ATP7B: variants seen among roughly 807,000 people sequenced by gnomAD.
ATP7B encodes the protein ATPase copper transporting beta, also known as copper-transporting ATPase 2.
ATP7B carries 113 observed loss-of-function variants against 118.9 expected under a neutral mutation model. The observed-to-expected ratio is 0.95, with a 90% CI of 0.82 to 1.11. The LOEUF (loss-of-function observed/expected upper bound fraction) is 1.11, where lower values mean the gene tolerates loss of function less well. ATP7B is among the 50% of genes most tolerant of loss of function. The pLI, the probability that ATP7B is intolerant of heterozygous loss-of-function variation, is 0.00. For missense variants in ATP7B, 1,867 were observed against 1,871.4 expected (o/e 1.00, Z 0.04); for synonymous variants, 777 against 727.4 (o/e 1.07, Z -1.10).
chr13:51,954,748 T>C (rs764751001), intron 9 of ATP7B, among the ~76,000 whole-genome samples: 21 of 151,998 alleles, frequency 1.4e-4, no homozygotes, highest in Admixed American at 2.6e-4. Flanking sequence ...TGAAGAAGAA[T>C]ACAGACAGGC....
Position 51,958,346 on chromosome 13 carries a change from T to C in ATP7B, c.2320A>G (p.Ile774Val), listed in dbSNP as rs778579276. 14 of 1,614,020 alleles carry C rather than the reference T, an allele frequency of 8.7e-6. No homozygotes were observed. The Admixed American group carries it at 2.2e-4, about 25-fold the overall frequency. Residue 774 changes from isoleucine to valine, a missense_variant, in exon 8 of 21, where the codon ATT (isoleucine) becomes GTT (valine). By Grantham distance (29) the Ile-to-Val change is conservative. Transcript: ENST00000242839. ...TGTTCCAGCCACCGGCCCAGGGCAATGAACACAAAGAGCATGGGGGGCGTG... is the reference window on the plus strand; with the variant it reads ...TGTTCCAGCCACCGGCCCAGGGCAACGAACACAAAGAGCATGGGGGGCGTG... ...FDTPPMLFVF[I>V]ALGRWLEHLA... is the part of the protein sequence containing the mutation.
chr13:51,974,541 AC>A lies in ATP7B; in HGVS notation c.678del (p.Leu227TyrfsTer35), dbSNP rs750078271. On this transcript the variant is annotated frameshift_variant, in exon 2 of 21. Coordinates refer to ENST00000242839, the MANE Select transcript of ATP7B (RefSeq NM_000053.4). LOFTEE classifies it high-confidence loss of function. The stretch of plus-strand genomic sequence containing the variant: ...GGTCTCTTTGGGTTAGTGCTTTGTA[AC>A]CGCTCAATATCAATTGGTCCCAGGC... ...PLSLGPIDIE[R>X]LQSTNPKRPL... 3 of 1,614,088 alleles carry A rather than the reference AC, an allele frequency of 1.9e-6. No individual in the cohort carries two copies. In the South Asian group the frequency reaches 3.3e-5, roughly 18 times the overall value.
At chr13:51,979,606 T>C (rs1952310276) in intron 1 of ATP7B, among the ~76,000 whole-genome samples, 1 of 152,200 alleles carries the variant, frequency 6.6e-6, no homozygotes, top group African/African-American at 2.4e-5. Flanking sequence ...ACTAAGAAGA[T>C]ATTCAAAGAC....
rs1353300491 is a variant in ATP7B at position 51,974,327 on chromosome 13, T to G, written c.893A>C (p.Gln298Pro). ...IQVSLENKTA[Q>P]VKYDPSCTSP... ...GGTACAAGAAGGGTCATACTTTACT[T>G]GGGCAGTTTTGTTCTCCAAGGACAC... Residue 298 changes from glutamine to proline, a missense_variant, in exon 2 of 21, where the codon CAA (glutamine) becomes CCA (proline). Physicochemically the swap from Gln to Pro is moderately conservative, Grantham distance 76. Coordinates refer to ENST00000242839, the MANE Select transcript of ATP7B (RefSeq NM_000053.4). 1.2e-5 allele frequency: 20 copies of G among 1,614,116 alleles called. No individual in the cohort carries two copies. Among genetic ancestry groups the G allele is most frequent in the Non-Finnish European group, 1.7e-5 (20 of 1,180,034 alleles).
intron 1 of ATP7B, among the ~76,000 whole-genome samples, chr13:52,001,334 TC>T (rs1953485014): frequency 6.6e-6 from 1 of 152,118 alleles, no homozygotes; most frequent in African/African-American, 2.4e-5. Flanking sequence ...TCTAGGGGGT[TC>T]CCATGTGCTT....
chr13:52,011,506 T>C, upstream of ATP7B: 2 of 788,824 alleles, frequency 2.5e-6, no homozygotes, highest in South Asian at 2.9e-5. Flanking sequence ...CGCCCCTTCA[T>C]TTGGGACCGG....
At chr13:51,986,114 A>G (rs545754361) in intron 1 of ATP7B, among the ~76,000 whole-genome samples, 118 of 152,210 alleles carry the variant, frequency 7.8e-4, no homozygotes, top group Admixed American at 1.6e-3. Flanking sequence ...AAAAAAATCA[A>G]TGAATCCAGG....
intron 1 of ATP7B, among the ~76,000 whole-genome samples, chr13:51,981,349 A>G (rs1360265279): frequency 6.6e-6 from 1 of 152,196 alleles, no homozygotes; most frequent in African/African-American, 2.4e-5. Flanking sequence ...TTCACCCACT[A>G]GTATCTGTCA....
chr13:51,950,991 C>A (rs144681028), intron 9 of ATP7B, among the ~76,000 whole-genome samples: 2 of 152,160 alleles, frequency 1.3e-5, no homozygotes, highest in East Asian at 3.9e-4. Context: ...CATGCCGAGT[C>A]TCCTGGAGCA....
chr13:51,935,465 G>A (rs762131142), intron 20 of ATP7B, 128 bp downstream of exon 20: 58 of 1,034,616 alleles, frequency 5.6e-5, no homozygotes, highest in Non-Finnish European at 8.2e-5. Context: ...CTCCATGTGG[G>A]CTGCCACTGC....
intron 2 of ATP7B, among the ~76,000 whole-genome samples, chr13:51,973,111 A>T (rs945013115): frequency 3.3e-5 from 5 of 152,180 alleles, no homozygotes; most frequent in Non-Finnish European, 7.4e-5. Flanking sequence ...AAAATCATTT[A>T]TAAATCCTTT....
At position 51,958,383 on chromosome 13, in the gene ATP7B, C is replaced by T. The variant is rs1958495391; in HGVS notation, c.2283G>A (p.Val761=). The T allele has an allele frequency of 6.2e-7, 1 of 1,614,194 alleles. No individual in the cohort carries two copies. The highest frequency in any genetic ancestry group is 1.6e-4 in the Middle Eastern group (1 of 6,062). The part of the protein sequence containing the change: ...AVAEKAERSP[V]TFFDTPPMLF... ...GCATGGGGGGCGTGTCGAAGAATGT[C>T]ACAGGGCTCCTCTCCGCCTTCTCAG... The change falls in exon 8 of 21, where the codon GTG becomes GTA. Residue 761 remains valine, a synonymous_variant. Coordinates refer to ENST00000242839, the MANE Select transcript of ATP7B (RefSeq NM_000053.4).
chr13:51,969,590 C>T (rs1164534268), intron 3 of ATP7B, among the ~76,000 whole-genome samples: 2 of 151,976 alleles, frequency 1.3e-5, no homozygotes, highest in African/African-American at 2.4e-5. Context: ...GTTAGTTTTA[C>T]ATGGGAAAAA....
chr13:51,975,777 G>T (rs1389042190), intron 1 of ATP7B, among the ~76,000 whole-genome samples: 1 of 152,242 alleles, frequency 6.6e-6, no homozygotes, highest in Non-Finnish European at 1.5e-5. Context: ...CCAAAGGTGG[G>T]CCACATGCCT....
At chr13:51,953,467 T>C (rs1319485092) in intron 9 of ATP7B, among the ~76,000 whole-genome samples, 1 of 152,224 alleles carries the variant, frequency 6.6e-6, no homozygotes, top group African/African-American at 2.4e-5. Context: ...TCTTTAGTAA[T>C]GCTAATCTCT....
At chr13:51,949,886 C>T in intron 11 of ATP7B, 90 bp from the exon 12 acceptor site, 3 of 1,609,616 alleles carry the variant, frequency 1.9e-6, no homozygotes, top group Non-Finnish European at 8.5e-7. Flanking sequence ...GGATAATCTC[C>T]TTCATTTAAC....
At position 51,966,689 on chromosome 13, in the gene ATP7B, G is replaced by A. The variant is rs1951564543; in HGVS notation, c.1708-1656C>T. 7 of 1,430,234 alleles carry A rather than the reference G, an allele frequency of 4.9e-6. No individual in the cohort carries two copies. In the South Asian group the frequency reaches 8.5e-5, roughly 17 times the overall value. 88.6% of individuals were successfully genotyped at this position (1,430,234 alleles called of 1,614,324 possible). ...AAAAAGAACACTACAGACACAGCAT[G>A]CTGCCATGCCGACGTAGACCCTGCT... On this transcript the variant is annotated intron_variant, in intron 4 of 20. Coordinates refer to ENST00000242839, the MANE Select transcript of ATP7B (RefSeq NM_000053.4).
At chr13:51,954,979 G>T (rs1055802691) in intron 9 of ATP7B, among the ~76,000 whole-genome samples, 4 of 152,194 alleles carry the variant, frequency 2.6e-5, no homozygotes, top group African/African-American at 9.6e-5. Context: ...GAAAGCCCAT[G>T]GAGACTAAGC....
At position 51,937,344 on chromosome 13, in the gene ATP7B, A is replaced by G; in HGVS notation, c.3953T>C (p.Val1318Ala). 6.2e-7 allele frequency: 1 copy of G among 1,614,204 alleles called. No homozygotes were observed. Among genetic ancestry groups the G allele is most frequent in the Non-Finnish European group, 8.5e-7 (1 of 1,180,026 alleles). The change falls in exon 19 of 21, where the codon GTC becomes GCC. Residue 1318 changes from valine (V) to alanine (A), a missense_variant. Coordinates refer to ENST00000242839, the MANE Select transcript of ATP7B (RefSeq NM_000053.4). ...GACCAGGTTGATGCGTATCCTTCGG[A>G]CAGTCCTCTTGGAAAGGTGAATGCT... ...VASIHLSKRTVRRIRINLVLA... is the reference protein window; with the variant it reads ...VASIHLSKRTARRIRINLVLA...
Sources: gnomAD v4.1 joint callset for allele counts (sites outside exome capture counted in the v4.1 genomes callset) on GRCh38, gnomAD v4.1.1 for gene constraint, MANE v1.5 for transcripts, NCBI Gene and HGNC (gene_info 2026-07-23, HGNC 2026-07-21) for gene names.